The following CLTCL1 variants were observed in gnomAD, a reference collection of about 807,000 sequenced individuals.
CLTCL1 encodes the protein clathrin heavy chain 2.
A neutral mutation model predicts 190.0 loss-of-function variants in CLTCL1; 159 were observed. The ratio of observed to expected loss-of-function variants is 0.84; its 90% CI spans 0.74 to 0.95. CLTCL1 has a LOEUF of 0.95. Among genes scored for constraint, CLTCL1 ranks in the 40% least tolerant of loss-of-function variants. The pLI, the probability that CLTCL1 is intolerant of heterozygous loss-of-function variation, is 0.00. For synonymous variants in CLTCL1, 752 were observed against 769.6 expected, an observed-to-expected ratio of 0.98 and a Z score of 0.38; for missense variants, 1,878 against 2,033.4, an observed-to-expected ratio of 0.92 and a Z score of 1.47.
chr22:19,232,929 G>GA (rs1369705142), intron 9 of CLTCL1: 1 of 564,190 alleles, frequency 1.8e-6, no homozygotes, highest in Non-Finnish European at 3.0e-6. Context: ...GAGAGGGAGA[G>GA]AAAAAACAAG....
chr22:19,239,197 T>C (rs759615388), intron 5 of CLTCL1, 78 bp downstream of exon 5: 9 of 1,124,644 alleles, frequency 8.0e-6, no homozygotes, highest in Non-Finnish European at 8.1e-6. Context: ...AGACTAAAAA[T>C]GGCAGCCTCC....
At chr22:19,210,843 T>C (rs1448420527) in intron 19 of CLTCL1, among the ~76,000 whole-genome samples, 3 of 152,218 alleles carry the variant, frequency 2.0e-5, no homozygotes, top group Non-Finnish European at 2.9e-5. Context: ...TGATTCATTA[T>C]AGCTTTATCA....
intron 22 of CLTCL1, among the ~76,000 whole-genome samples, chr22:19,203,605 T>C (rs1462654578): frequency 2.0e-5 from 3 of 152,130 alleles, no homozygotes; most frequent in African/African-American, 7.2e-5. Context: ...CCCCTCTCCC[T>C]GCTGTGGGGC....
chr22:19,241,488 T>C (rs2086252517), intron 4 of CLTCL1, among the ~76,000 whole-genome samples: 1 of 152,236 alleles, frequency 6.6e-6, no homozygotes, highest in Admixed American at 6.5e-5. Flanking sequence ...GCATGAAGTA[T>C]GTTACTCAAC....
intron 24 of CLTCL1, among the ~76,000 whole-genome samples, chr22:19,197,073 C>G (rs2084734548): frequency 6.6e-6 from 1 of 152,122 alleles, no homozygotes. Context: ...TCACTGTGTC[C>G]CTAATTATGA....
rs1555935459 is a variant in CLTCL1 at position 19,196,275 on chromosome 22, G to A, written c.4182C>T (p.Ile1394=). The A allele has an allele frequency of 1.2e-6, 2 of 1,613,254 alleles. No homozygotes were observed. The highest frequency in any genetic ancestry group is 1.3e-5 in the African/African-American group (1 of 75,050). ...CTGTATCCCCTCTTACCTTGGTAAT[G>A]ATGTCCTTGAACTGACCCTCCTTCC... ...EAWKEGQFKD[I]ITKVANVELC... is the part of the protein sequence containing the mutation. The change falls in exon 26 of 33, where the codon ATC becomes ATT. Residue 1394 remains isoleucine, a synonymous_variant. Transcript: ENST00000427926.
intron 18 of CLTCL1, among the ~76,000 whole-genome samples, chr22:19,217,989 A>G (rs1219445464): frequency 6.6e-6 from 1 of 152,180 alleles, no homozygotes; most frequent in African/African-American, 2.4e-5. Flanking sequence ...TTGCCTCAGG[A>G]CACTGCTCTC....
chr22:19,229,808 C>G, intron 11 of CLTCL1, 30 bp downstream of exon 11: 1 of 1,572,696 alleles, frequency 6.4e-7, no homozygotes, highest in Non-Finnish European at 8.6e-7. Context: ...AGGTGCTCTG[C>G]CTCTCGGTGT....
intron 3 of CLTCL1, among the ~76,000 whole-genome samples, chr22:19,248,736 G>A (rs2086497430): frequency 6.6e-6 from 1 of 152,186 alleles, no homozygotes; most frequent in Non-Finnish European, 1.5e-5. Context: ...TTTTAGTAGA[G>A]ATGGGGTTTC....
rs782533793 is a variant in CLTCL1 at position 19,221,999 on chromosome 22, C to T, written c.2513G>A (p.Gly838Glu). Residue 838 changes from glycine (G) to glutamate (E), a missense_variant, in exon 16 of 33, where the codon GGA becomes GAA. By Grantham distance (98) the Gly-to-Glu change is moderately conservative. Coordinates refer to ENST00000427926, the MANE Select transcript of CLTCL1 (RefSeq NM_007098.4). ...VIKHLIMAVR[G>E]QFSTDELVAE... ...CACCAACTCATCAGTAGAGAACTGT[C>T]CTCTCACTGCCATGATTAAGTGTTT... 1 of 1,613,950 alleles carries T rather than the reference C, an allele frequency of 6.2e-7. No homozygotes were observed. The highest frequency in any genetic ancestry group is 1.7e-5 in the Admixed American group (1 of 60,024).
intron 1 of CLTCL1, 38 bp from the exon 2 acceptor site, chr22:19,275,868 T>G: frequency 6.5e-7 from 1 of 1,537,364 alleles, no homozygotes; most frequent in Non-Finnish European, 8.8e-7. Flanking sequence ...ATTTTTTTCC[T>G]CTGAAATGGA....
chr22:19,222,057 G>T lies in CLTCL1; in HGVS notation c.2455C>A (p.Leu819Met). 6.2e-7 allele frequency: 1 copy of T among 1,613,982 alleles called. No homozygotes were observed. Among genetic ancestry groups the T allele is most frequent in the Non-Finnish European group, 8.5e-7 (1 of 1,179,880 alleles). ...PSRTPAVIGG[L>M]LDVDCSEEVI... The stretch of plus-strand genomic sequence containing the variant: ...TCCTCAGAACAATCCACATCAAGCA[G>T]CCCTCCAATCACAGCTGGGGTCCGG... Residue 819 changes from leucine (L) to methionine (M), a missense_variant, in exon 16 of 33, where the codon CTG becomes ATG. By Grantham distance (15) the Leu-to-Met change is conservative. Transcript: ENST00000427926.
rs2085140593 is a variant in CLTCL1 at position 19,209,091 on chromosome 22, G to C, written c.3273C>G (p.Asn1091Lys). 3.7e-6 allele frequency: 6 copies of C among 1,606,306 alleles called. No individual in the cohort carries two copies. Among genetic ancestry groups the C allele is most frequent in the Non-Finnish European group, 5.1e-6 (6 of 1,176,092 alleles). ...CCGCAAACTCATATGCCCGGTCCAG[G>C]TTTCCAATGTGCTCGATCAGGACCT... The part of the protein sequence containing the change: ...AIQVLIEHIG[N>K]LDRAYEFAER... The change falls in exon 21 of 33, where the codon AAC becomes AAG. Residue 1091 changes from asparagine (N) to lysine (K), a missense_variant. Asn to Lys is a moderately conservative substitution (Grantham distance 94, BLOSUM62 0). Coordinates refer to ENST00000427926, the MANE Select transcript of CLTCL1 (RefSeq NM_007098.4).
At chr22:19,224,907 C>T (rs1208247192) in intron 13 of CLTCL1, among the ~76,000 whole-genome samples, 4 of 152,196 alleles carry the variant, frequency 2.6e-5, no homozygotes, top group South Asian at 2.1e-4. Context: ...AGACAGCCCC[C>T]ATCTGTCCCT....
chr22:19,214,503 G>A lies in CLTCL1; in HGVS notation c.3065+1608C>T, dbSNP rs111452484. ...TGGTTGTGTTGCAAATATCTTCCCC[G>A]CATTTGTAGCTTCTCATTTGTCCAT... is the stretch of plus-strand genomic sequence containing the variant. On this transcript the variant is annotated intron_variant, in intron 19 of 32. Transcript: ENST00000427926. Among the ~76,000 whole-genome samples, 767 of 151,964 alleles carry A rather than the reference G, an allele frequency of 5.0e-3. 7 individuals carry two copies. Among genetic ancestry groups the A allele is most frequent in the African/African-American group, 0.017 (718 of 41,406 alleles).
Position 19,230,097 on chromosome 22 carries a change from G to GTTTTTTTTTTTTTTTT in CLTCL1, c.1645-123_1645-122insAAAAAAAAAAAAAAAA, listed in dbSNP as rs374875733. 3.8e-6 allele frequency: 2 copies of GTTTTTTTTTTTTTTTT among 530,318 alleles called. 1 individual carries two copies. The allele number at this position is 530,318 out of a possible 1,614,324, so 32.9% of individuals were successfully genotyped here. ...AATTCAGCAATTAGTTCCCTCCCTT[G>GTTTTTTTTTTTTTTTT]GTTTTTTTTTTTTTTTTGAGATGGA... On this transcript the variant is annotated intron_variant, in intron 10 of 32. Coordinates refer to ENST00000427926, the MANE Select transcript of CLTCL1 (RefSeq NM_007098.4).
At chr22:19,275,593 AT>A (rs2087473312) in intron 2 of CLTCL1, 29 bp downstream of exon 2, 1 of 1,558,994 alleles carries the variant, frequency 6.4e-7, no homozygotes, top group Admixed American at 1.9e-5. Flanking sequence ...ATGAGGTAAG[AT>A]TCCTTTCTAA....
intron 1 of CLTCL1, among the ~76,000 whole-genome samples, chr22:19,279,758 T>C (rs1555985436): frequency 6.6e-6 from 1 of 152,254 alleles, no homozygotes; most frequent in African/African-American, 2.4e-5. Context: ...CGCTTTGTGT[T>C]AGTTATTCAT....
intron 17 of CLTCL1, 59 bp downstream of exon 17, chr22:19,221,318 T>C (rs1220581946): frequency 1.5e-6 from 2 of 1,378,318 alleles, no homozygotes; most frequent in African/African-American, 2.9e-5. Context: ...AGGCACACCT[T>C]TGAAAGCTTC....
Sources: gnomAD v4.1 joint callset for allele counts (sites outside exome capture counted in the v4.1 genomes callset) on GRCh38, gnomAD v4.1.1 for gene constraint, MANE v1.5 for transcripts, NCBI Gene and HGNC (gene_info 2026-07-23, HGNC 2026-07-21) for gene names.